Variants in DNAH8 observed in about 807,000 individuals in gnomAD.
DNAH8 encodes dynein axonemal heavy chain 8.
In DNAH8, 382 loss-of-function variants were observed where a neutral mutation model predicts 562.1. The ratio of observed to expected loss-of-function variants is 0.68; its 90% confidence interval spans 0.63 to 0.74. The LOEUF is 0.74. DNAH8 is among the 30% of genes least tolerant of loss of function. The probability of loss-of-function intolerance (pLI) is 0.00; values close to 1 mark genes in which losing one functional copy is unlikely to be tolerated. For missense variants in DNAH8, 5,203 were observed against 5,620.4 expected, an observed-to-expected ratio of 0.93 and a Z score of 2.37; for synonymous variants, 1,881 against 1,919.4, an observed-to-expected ratio of 0.98 and a Z score of 0.52.
chr6:39,010,256 A>G (rs1178086777), intron 89 of DNAH8, among the ~76,000 whole-genome samples: 1 of 152,170 alleles, frequency 6.6e-6, no homozygotes, highest in East Asian at 1.9e-4. Context: ...TTAGTGTCTT[A>G]TTTTATAGAA....
intron 7 of DNAH8, among the ~76,000 whole-genome samples, chr6:38,738,717 T>G (rs1409948655): frequency 6.6e-6 from 1 of 152,122 alleles, no homozygotes; most frequent in Non-Finnish European, 1.5e-5. Flanking sequence ...TTTACCTTTC[T>G]AGAACTATGT....
chr6:38,883,917 A>G lies in DNAH8; in HGVS notation c.8178A>G (p.Thr2726=). 1 of 1,593,234 alleles carries G rather than the reference A, an allele frequency of 6.3e-7. No homozygotes were observed. Among genetic ancestry groups the G allele is most frequent in the Non-Finnish European group, 8.6e-7 (1 of 1,168,360 alleles). ...ACGTGGATAAGCGAATTGGAAGCAC[A>G]TATGGGCCACCAGGAGGGAGAAAAA... The part of the protein sequence containing the change: ...ESYVDKRIGS[T]YGPPGGRKMT... The change falls in exon 56 of 93, where the codon ACA becomes ACG. Residue 2726 remains threonine (T), a synonymous_variant. Coordinates refer to ENST00000327475, the MANE Select transcript of DNAH8 (RefSeq NM_001206927.2).
At chr6:38,926,246 A>C (rs752411014) in intron 74 of DNAH8, 36 bp downstream of exon 74, 7 of 1,597,676 alleles carry the variant, frequency 4.4e-6, no homozygotes, top group Non-Finnish European at 6.0e-6. Context: ...AGTAATCTTG[A>C]AATCATGAAA....
intron 2 of DNAH8, 58 bp downstream of exon 2, chr6:38,723,257 C>G (rs1762930323): frequency 1.3e-6 from 2 of 1,574,092 alleles, no homozygotes; most frequent in South Asian, 2.4e-5. Flanking sequence ...ATACGAAATA[C>G]TTTTACTTTA....
intron 21 of DNAH8, among the ~76,000 whole-genome samples, chr6:38,799,622 A>G (rs1770596719): frequency 6.6e-6 from 1 of 152,186 alleles, no homozygotes; most frequent in African/African-American, 2.4e-5. Context: ...AAATTCACAT[A>G]CCCTACAATT....
chr6:39,005,004 G>T (rs780025906), intron 88 of DNAH8, among the ~76,000 whole-genome samples: 1 of 152,178 alleles, frequency 6.6e-6, no homozygotes, highest in Admixed American at 6.5e-5. Flanking sequence ...TCTTTGTGTG[G>T]ACATGTCTTT....
intron 21 of DNAH8, among the ~76,000 whole-genome samples, chr6:38,800,213 A>G (rs1296277554): frequency 1.4e-5 from 2 of 145,410 alleles, no homozygotes; most frequent in Admixed American, 1.4e-4. Context: ...ATAAGTGTCT[A>G]TTTTTTTTTT....
chr6:38,948,929 G>A (rs1198696789), intron 80 of DNAH8, among the ~76,000 whole-genome samples: 1 of 152,128 alleles, frequency 6.6e-6, no homozygotes, highest in Non-Finnish European at 1.5e-5. Context: ...TTTTTAAGTA[G>A]AGATCAACAT....
chr6:38,922,814 A>C (rs1031975152), intron 71 of DNAH8, among the ~76,000 whole-genome samples: 3 of 152,236 alleles, frequency 2.0e-5, no homozygotes, highest in Non-Finnish European at 4.4e-5. Flanking sequence ...TGATTAAAAG[A>C]TAAATTATGT....
intron 91 of DNAH8, among the ~76,000 whole-genome samples, chr6:39,021,776 G>A (rs761569458): frequency 6.6e-6 from 1 of 152,184 alleles, no homozygotes; most frequent in Non-Finnish European, 1.5e-5. Flanking sequence ...ATTGCATAAG[G>A]ACCAGTTCAT....
intron 53 of DNAH8, among the ~76,000 whole-genome samples, chr6:38,876,152 T>C (rs1234940872): frequency 3.9e-5 from 6 of 152,238 alleles, no homozygotes; most frequent in African/African-American, 7.2e-5. Flanking sequence ...AGATTCTTCA[T>C]GATGCAAAGC....
chr6:38,919,249 A>T (rs117250467), intron 70 of DNAH8, among the ~76,000 whole-genome samples: 1 of 152,346 alleles, frequency 6.6e-6, no homozygotes, highest in East Asian at 1.9e-4. Flanking sequence ...AGTGGAAATT[A>T]ACAAACATAA....
chr6:38,983,291 C>T (rs1282836160), intron 86 of DNAH8, among the ~76,000 whole-genome samples: 2 of 152,340 alleles, frequency 1.3e-5, no homozygotes, highest in African/African-American at 2.4e-5. Context: ...CTGGCCCCCT[C>T]TTCTTCCACA....
chr6:38,861,645 C>T (rs1218751681), intron 43 of DNAH8, among the ~76,000 whole-genome samples: 1 of 152,170 alleles, frequency 6.6e-6, no homozygotes, highest in Non-Finnish European at 1.5e-5. Context: ...GCAACCTCCA[C>T]CTCTACCTCA....
intron 44 of DNAH8, among the ~76,000 whole-genome samples, chr6:38,863,299 G>A (rs1211884119): frequency 6.7e-6 from 1 of 148,512 alleles, no homozygotes; most frequent in Non-Finnish European, 1.5e-5. Flanking sequence ...GCATGGTGGT[G>A]CGTGCCTGTA....
intron 52 of DNAH8, among the ~76,000 whole-genome samples, chr6:38,874,460 C>T (rs970979811): frequency 6.6e-6 from 1 of 151,338 alleles, no homozygotes; most frequent in Admixed American, 6.6e-5. Context: ...ACCTTGAAGT[C>T]CTGGGCTCGA....
At position 38,852,696 on chromosome 6, in the gene DNAH8, G is replaced by C; in HGVS notation, c.5469G>C (p.Pro1823=). The C allele has an allele frequency of 1.9e-6, 3 of 1,610,022 alleles. No homozygotes were observed. Among genetic ancestry groups the C allele is most frequent in the Admixed American group, 3.3e-5 (2 of 59,866 alleles). ...GQASDSHTIQ[P]HLPAVSDNIN... is the part of the protein sequence containing the mutation. ...TGACGTTTTCCTCTGTCTTACAGCCGCATCTCCCTGCAGTATCTGACAACA... is the reference window on the plus strand; with the variant it reads ...TGACGTTTTCCTCTGTCTTACAGCCCCATCTCCCTGCAGTATCTGACAACA... The change falls in exon 40 of 93, where the codon CCG becomes CCC. Residue 1823 remains proline, a splice_region_variant and synonymous_variant. Transcript: ENST00000327475.
Position 38,931,995 on chromosome 6 carries a change from T to C in DNAH8, c.11457+2T>C, listed in dbSNP as rs1265481573. 1 of 1,557,300 alleles carries C rather than the reference T, an allele frequency of 6.4e-7. No individual in the cohort carries two copies. Among genetic ancestry groups the C allele is most frequent in the Non-Finnish European group, 8.7e-7 (1 of 1,152,458 alleles). ...AGAGTCATTCTAACAGAGAAACAGG[T>C]AATCTCTCTCTCAAGGTAAAGAATT... On this transcript the variant is annotated splice_donor_variant, in intron 76 of 92. Coordinates refer to ENST00000327475, the MANE Select transcript of DNAH8 (RefSeq NM_001206927.2). LOFTEE classifies it high-confidence loss of function.
rs187947325 is a variant in DNAH8 at position 38,799,218 on chromosome 6, C to A, written c.2902-3961C>A. Among the ~76,000 whole-genome samples, 81 of 152,266 alleles carry A rather than the reference C, an allele frequency of 5.3e-4. 1 individual carries two copies. Among genetic ancestry groups the A allele is most frequent in the Admixed American group, 4.8e-3 (74 of 15,298 alleles). ...CACAATCAGAGCTCTTGGCACATTG[C>A]TGACTGCTGCTGCATCCATTTTTCC... On this transcript the variant is annotated intron_variant, in intron 21 of 92. Coordinates refer to ENST00000327475, the MANE Select transcript of DNAH8 (RefSeq NM_001206927.2).
Sources: gnomAD v4.1 joint callset for allele counts (sites outside exome capture counted in the v4.1 genomes callset) on GRCh38, gnomAD v4.1.1 for gene constraint, MANE v1.5 for transcripts, NCBI Gene and HGNC (gene_info 2026-07-23, HGNC 2026-07-21) for gene names.